EYS: variants seen among roughly 807,000 people sequenced by gnomAD.
EYS encodes protein eyes shut homolog.
EYS carries 250 observed loss-of-function variants against 282.1 expected under a neutral mutation model. The observed-to-expected ratio is 0.89, with a 90% CI of 0.80 to 0.98. The LOEUF is 0.98. Ranked by LOEUF, EYS falls within the 50% of genes least tolerant of loss-of-function variation. The probability of loss-of-function intolerance (pLI) is 0.00; values close to 1 mark genes in which losing one functional copy is unlikely to be tolerated. For synonymous variants in EYS, 1,355 were observed against 1,282.9 expected (o/e 1.06, Z -1.20); for missense variants, 4,016 against 3,709.0 (o/e 1.08, Z -2.15).
At chr6:65,588,546 C>T (rs1191833118) in intron 2 of EYS, among the ~76,000 whole-genome samples, 1 of 149,000 alleles carries the variant, frequency 6.7e-6, no homozygotes, top group Non-Finnish European at 1.5e-5. Context: ...AACCTTCCCC[C>T]TGTCCATATC....
At chr6:65,026,627 T>A (rs1347276988) in intron 13 of EYS, among the ~76,000 whole-genome samples, 2 of 151,972 alleles carry the variant, frequency 1.3e-5, no homozygotes, top group East Asian at 3.9e-4. Flanking sequence ...AAGTAAAGAT[T>A]CAGATATTGG....
intron 26 of EYS, among the ~76,000 whole-genome samples, chr6:64,446,901 A>G (rs1582763301): frequency 1.3e-5 from 2 of 151,954 alleles, no homozygotes; most frequent in Admixed American, 1.3e-4. Flanking sequence ...TTTGCAACCA[A>G]AATGTAAAAT....
intron 8 of EYS, among the ~76,000 whole-genome samples, chr6:65,356,675 T>G (rs1351476186): frequency 1.3e-5 from 2 of 152,058 alleles, no homozygotes; most frequent in Non-Finnish European, 2.9e-5. Flanking sequence ...TTAGATAAAA[T>G]TTGGATTTAG....
intron 12 of EYS, among the ~76,000 whole-genome samples, chr6:65,125,890 C>T (rs910474046): frequency 1.3e-5 from 2 of 152,060 alleles, no homozygotes; most frequent in Non-Finnish European, 2.9e-5. Flanking sequence ...ACTTTTTGTG[C>T]GCTCTTGGGG....
intron 13 of EYS, among the ~76,000 whole-genome samples, chr6:65,007,956 C>A (rs1043941594): frequency 2.6e-5 from 4 of 152,152 alleles, no homozygotes; most frequent in Admixed American, 6.5e-5. Context: ...AGAGAAGTGC[C>A]ACCATAACTG....
chr6:63,936,569 C>T (rs1246940167), intron 35 of EYS, among the ~76,000 whole-genome samples: 2 of 152,196 alleles, frequency 1.3e-5, no homozygotes, highest in Non-Finnish European at 2.9e-5. Context: ...CAGGCATGAC[C>T]TGTGATAGTC....
At chr6:64,137,340 G>A (rs1582324263) in intron 31 of EYS, among the ~76,000 whole-genome samples, 1 of 152,234 alleles carries the variant, frequency 6.6e-6, no homozygotes, top group East Asian at 1.9e-4. Flanking sequence ...TATCATTGGG[G>A]TGTTCAATGG....
chr6:64,347,001 G>T (rs536451701), intron 29 of EYS, among the ~76,000 whole-genome samples: 1 of 151,476 alleles, frequency 6.6e-6, no homozygotes, highest in South Asian at 2.1e-4. Flanking sequence ...GCAAGAAGCA[G>T]ATCTAGATTC....
At chr6:65,046,557 A>G (rs1189967625) in intron 13 of EYS, among the ~76,000 whole-genome samples, 1 of 151,952 alleles carries the variant, frequency 6.6e-6, no homozygotes, top group East Asian at 2.0e-4. Flanking sequence ...ATAAAGTCTG[A>G]GCAACATTTT....
chr6:64,452,879 A>C (rs1485035264), intron 26 of EYS, among the ~76,000 whole-genome samples: 2 of 152,222 alleles, frequency 1.3e-5, no homozygotes, highest in African/African-American at 2.4e-5. Context: ...TAAAGACTTA[A>C]ATGTTAGACC....
chr6:64,573,301 G>A (rs973312007), intron 26 of EYS, among the ~76,000 whole-genome samples: 7 of 152,104 alleles, frequency 4.6e-5, no homozygotes, highest in Non-Finnish European at 1.0e-4. Context: ...TTAAACGTAA[G>A]TCCTAAAGCC....
intron 35 of EYS, among the ~76,000 whole-genome samples, chr6:63,940,551 G>A (rs1311870342): frequency 6.6e-6 from 1 of 152,156 alleles, no homozygotes; most frequent in Non-Finnish European, 1.5e-5. Flanking sequence ...ATGGTTTGTT[G>A]ATTTTAGAAT....
At chr6:65,373,201 A>C (rs926362176) in intron 8 of EYS, among the ~76,000 whole-genome samples, 2 of 152,016 alleles carry the variant, frequency 1.3e-5, no homozygotes, top group Admixed American at 6.6e-5. Flanking sequence ...ATTCTTCCAC[A>C]TGTTTCTCTT....
In EYS at chr6:63,788,266, A is replaced by T. The variant is rs1465884986; in HGVS notation, c.7579-17T>A. ...ATCATCTACCTTCGAAAGGGAAAAA[A>T]AACCTATTAAAAAAGGAATTAATTC... On this transcript the variant is annotated splice_polypyrimidine_tract_variant and intron_variant, in intron 38 of 42. Transcript: ENST00000503581. The T allele has an allele frequency of 1.3e-6, 2 of 1,512,664 alleles. No homozygotes were observed. The highest frequency in any genetic ancestry group is 2.6e-5 in the South Asian group (2 of 76,742). 93.7% of individuals were successfully genotyped at this position (1,512,664 alleles called of 1,614,324 possible).
At chr6:65,206,733 T>A (rs1562022331) in intron 12 of EYS, among the ~76,000 whole-genome samples, 1 of 151,842 alleles carries the variant, frequency 6.6e-6, no homozygotes, top group South Asian at 2.1e-4. Flanking sequence ...TGCAAATCAA[T>A]GAATGTGATC....
chr6:64,775,882 C>A (rs1773664171), intron 22 of EYS, among the ~76,000 whole-genome samples: 1 of 152,114 alleles, frequency 6.6e-6, no homozygotes, highest in Admixed American at 6.6e-5. Flanking sequence ...TAGCTGCTAG[C>A]TGTTTTGTGT....
chr6:64,383,735 G>A (rs962544344), intron 29 of EYS, among the ~76,000 whole-genome samples: 1 of 152,160 alleles, frequency 6.6e-6, no homozygotes, highest in Non-Finnish European at 1.5e-5. Context: ...TGAGGACAGG[G>A]TAATGATTAA....
In EYS at chr6:64,126,300, A is replaced by C. The variant is rs1004461309; in HGVS notation, c.6425-44298T>G. On this transcript the variant is annotated intron_variant, in intron 31 of 42. Coordinates refer to ENST00000503581, the MANE Select transcript of EYS (RefSeq NM_001142800.2). ...TTCACAATAGCGAAGACTTGGAACC[A>C]ACCCAAATGTCCATCAATGATAGAC... is the stretch of plus-strand genomic sequence containing the variant. Among the ~76,000 whole-genome samples, 58 of 148,670 alleles carry C rather than the reference A, an allele frequency of 3.9e-4. 3 individuals are homozygous for C. Among genetic ancestry groups the C allele is most frequent in the Non-Finnish European group, 3.0e-5 (2 of 67,216 alleles).
intron 26 of EYS, among the ~76,000 whole-genome samples, chr6:64,467,990 T>C (rs1775981675): frequency 6.6e-6 from 1 of 152,024 alleles, no homozygotes; most frequent in Non-Finnish European, 1.5e-5. Context: ...TGTATACTAC[T>C]TGGGGGTCAA....
Sources: gnomAD v4.1 joint callset for allele counts (sites outside exome capture counted in the v4.1 genomes callset) on GRCh38, gnomAD v4.1.1 for gene constraint, MANE v1.5 for transcripts, NCBI Gene and HGNC (gene_info 2026-07-23, HGNC 2026-07-21) for gene names.